The following PHLPP1 variants were observed in gnomAD, a reference collection of about 807,000 sequenced individuals.
PHLPP1 encodes PH domain leucine-rich repeat-containing protein phosphatase 1.
Under a neutral mutation model 117.2 loss-of-function variants are expected in PHLPP1, and 42 were observed. The ratio of observed to expected loss-of-function variants is 0.36; its 90% CI spans 0.28 to 0.46. The LOEUF (loss-of-function observed/expected upper bound fraction) is 0.46. Among genes scored for constraint, PHLPP1 ranks in the 20% least tolerant of loss-of-function variants. The pLI, the probability that PHLPP1 is intolerant of heterozygous loss-of-function variation, is 1.00. For missense variants in PHLPP1, 2,084 were observed against 2,241.9 expected, an observed-to-expected ratio of 0.93 and a Z score of 1.42; for synonymous variants, 1,042 against 970.7, an observed-to-expected ratio of 1.07 and a Z score of -1.37.
intron 6 of PHLPP1, among the ~76,000 whole-genome samples, chr18:62,896,653 G>A (rs1429977607): frequency 1.3e-5 from 2 of 152,126 alleles, no homozygotes; most frequent in Non-Finnish European, 1.5e-5. Context: ...GGCCTGGAGT[G>A]TAATGATGTG....
At chr18:62,825,939 G>C (rs944892202) in intron 1 of PHLPP1, among the ~76,000 whole-genome samples, 6 of 152,124 alleles carry the variant, frequency 3.9e-5, no homozygotes, top group African/African-American at 1.4e-4. Flanking sequence ...GCAAAGTGAC[G>C]AGCCAATTAA....
At chr18:62,932,042 AACAC>A (rs1332551107) in intron 10 of PHLPP1, among the ~76,000 whole-genome samples, 1 of 152,148 alleles carries the variant, frequency 6.6e-6, no homozygotes, top group Non-Finnish European at 1.5e-5. Context: ...AATCCCTGGA[AACAC>A]ACAGCTTCCC....
intron 13 of PHLPP1, among the ~76,000 whole-genome samples, chr18:62,961,403 A>G (rs897232311): frequency 6.6e-6 from 1 of 152,226 alleles, no homozygotes; most frequent in Non-Finnish European, 1.5e-5. Context: ...CTGCTTCACT[A>G]GAAAGAATTA....
intron 10 of PHLPP1, among the ~76,000 whole-genome samples, chr18:62,931,339 A>G (rs1695946935): frequency 6.6e-6 from 1 of 152,168 alleles, no homozygotes; most frequent in Non-Finnish European, 1.5e-5. Context: ...AGCCTCTGGG[A>G]TACAGCAAAG....
At chr18:62,717,801 A>G (rs534559560) in intron 1 of PHLPP1, among the ~76,000 whole-genome samples, 4 of 151,860 alleles carry the variant, frequency 2.6e-5, no homozygotes, top group African/African-American at 9.6e-5. Context: ...CGGAGCCCTC[A>G]TTAGAAATCT....
At chr18:62,881,452 A>C (rs569843357) in intron 4 of PHLPP1, among the ~76,000 whole-genome samples, 1 of 152,368 alleles carries the variant, frequency 6.6e-6, no homozygotes, top group East Asian at 1.9e-4. Flanking sequence ...TTCTTAAAAA[A>C]ATTATAAAAT....
intron 10 of PHLPP1, among the ~76,000 whole-genome samples, chr18:62,930,638 C>A (rs1383136441): frequency 6.6e-6 from 1 of 152,150 alleles, no homozygotes; most frequent in African/African-American, 2.4e-5. Flanking sequence ...ATTAAACAGA[C>A]TATCAAGGCA....
At chr18:62,824,754 CTG>C (rs1190127860) in intron 1 of PHLPP1, among the ~76,000 whole-genome samples, 1 of 151,836 alleles carries the variant, frequency 6.6e-6, no homozygotes, top group African/African-American at 2.4e-5. Flanking sequence ...CTTTTTGGCT[CTG>C]AAAAAAATGA....
At chr18:62,952,723 C>T (rs1444565931) in intron 12 of PHLPP1, among the ~76,000 whole-genome samples, 3 of 152,180 alleles carry the variant, frequency 2.0e-5, no homozygotes, top group Non-Finnish European at 4.4e-5. Context: ...ACTTCCTTGG[C>T]TCACAGGAAG....
intron 1 of PHLPP1, among the ~76,000 whole-genome samples, chr18:62,803,323 G>A (rs1389089854): frequency 6.6e-6 from 1 of 152,006 alleles, no homozygotes; most frequent in Non-Finnish European, 1.5e-5. Flanking sequence ...GGTTACTACT[G>A]AGCTCAAAAT....
Position 62,716,017 on chromosome 18 carries a change from GC to G in PHLPP1, c.336del (p.Gly113AlafsTer9). On this transcript the variant is annotated frameshift_variant, in exon 1 of 17. Transcript: ENST00000262719. LOFTEE classifies it high-confidence loss of function. The surrounding 1 kb of genome is among the most constrained non-coding windows in gnomAD (Gnocchi z 5.7). ...IAGGAAPVPGAGGGANSLLLR... is the reference protein window; with the variant it reads ...IAGGAAPVPGXGGGANSLLLR... ...CGGCGGGGCTGCCCCCGTACCCGGGGCCGGCGGCGGCGCCAACTCCCTCCTG... is the reference window on the plus strand; with the variant it reads ...CGGCGGGGCTGCCCCCGTACCCGGGGCGGCGGCGGCGCCAACTCCCTCCTG... 1.4e-6 allele frequency: 2 copies of G among 1,387,214 alleles called. No homozygotes were observed. Among genetic ancestry groups the G allele is most frequent in the Non-Finnish European group, 1.9e-6 (2 of 1,079,402 alleles). The allele number at this position is 1,387,214 out of a possible 1,614,324, so 85.9% of individuals were successfully genotyped here.
chr18:62,932,627 A>G (rs1037399817), intron 10 of PHLPP1, among the ~76,000 whole-genome samples: 4 of 152,214 alleles, frequency 2.6e-5, no homozygotes, highest in Non-Finnish European at 5.9e-5. Context: ...CAAAATAATA[A>G]GAGCCATCTA....
intron 4 of PHLPP1, among the ~76,000 whole-genome samples, chr18:62,865,601 A>G (rs1915751911): frequency 6.6e-6 from 1 of 152,230 alleles, no homozygotes; most frequent in African/African-American, 2.4e-5. Context: ...TTAGAACAGA[A>G]TGGTGCATTA....
chr18:62,815,772 CT>C (rs773044343), intron 1 of PHLPP1, among the ~76,000 whole-genome samples: 57 of 152,328 alleles, frequency 3.7e-4, no homozygotes, highest in South Asian at 1.9e-3. Flanking sequence ...TAGGTGCTCT[CT>C]TTTGAAGGAA....
At chr18:62,743,609 G>T (rs1016285345) in intron 1 of PHLPP1, among the ~76,000 whole-genome samples, 1 of 152,012 alleles carries the variant, frequency 6.6e-6, no homozygotes, top group Non-Finnish European at 1.5e-5. Context: ...CTATTTTTCA[G>T]CAATTACCTA....
chr18:62,931,195 TAA>T (rs71340136), intron 10 of PHLPP1, among the ~76,000 whole-genome samples: 1 of 137,296 alleles, frequency 7.3e-6, no homozygotes. Flanking sequence ...AGACTCCATC[TAA>T]AAAAAAAAAA....
At chr18:62,785,367 A>G (rs1205804535) in intron 1 of PHLPP1, among the ~76,000 whole-genome samples, 1 of 152,160 alleles carries the variant, frequency 6.6e-6, no homozygotes, top group African/African-American at 2.4e-5. Context: ...ATAGAGGGAG[A>G]AGCGGTTGCT....
At chr18:62,806,874 T>C (rs932685240) in intron 1 of PHLPP1, among the ~76,000 whole-genome samples, 4 of 152,158 alleles carry the variant, frequency 2.6e-5, no homozygotes, top group Admixed American at 6.5e-5. Context: ...GGATTGTCTA[T>C]AGGAGATAAA....
At chr18:62,912,994 A>G (rs1409565945) in intron 8 of PHLPP1, among the ~76,000 whole-genome samples, 1 of 152,234 alleles carries the variant, frequency 6.6e-6, no homozygotes, top group Non-Finnish European at 1.5e-5. Flanking sequence ...AATGGTAGCC[A>G]TTGAAACCCC....
Sources: gnomAD v4.1 joint callset for allele counts (sites outside exome capture counted in the v4.1 genomes callset) on GRCh38, gnomAD v4.1.1 for gene constraint, Gnocchi (gnomAD v3.1) non-coding constraint, MANE v1.5 for transcripts, NCBI Gene and HGNC (gene_info 2026-07-23, HGNC 2026-07-21) for gene names.